The following CLHC1 variants were observed in gnomAD, a reference collection of about 807,000 sequenced individuals.
CLHC1 encodes clathrin heavy chain linker domain containing 1.
In CLHC1, 72 loss-of-function variants were observed where a neutral mutation model predicts 69.5. The observed-to-expected ratio is 1.04, with a 90% confidence interval of 0.86 to 1.26. CLHC1 has a LOEUF of 1.26. Ranked by LOEUF, CLHC1 falls within the 50% of genes most tolerant of loss-of-function variation. The probability of loss-of-function intolerance (pLI) is 0.00; values close to 1 mark genes in which losing one functional copy is unlikely to be tolerated. For missense variants in CLHC1, 790 were observed against 679.3 expected (o/e 1.16, Z -1.81); for synonymous variants, 223 against 224.3 (o/e 0.99, Z 0.05).
At chr2:55,206,182 A>C in intron 9 of CLHC1, 88 bp downstream of exon 9, 1 of 733,932 alleles carries the variant, frequency 1.4e-6, no homozygotes, top group Non-Finnish European at 2.3e-6. Context: ...CTAGATCTTT[A>C]GTCTCCCAGT....
At chr2:55,184,140 G>C (rs1394034067) in intron 9 of CLHC1, among the ~76,000 whole-genome samples, 5 of 125,336 alleles carry the variant, frequency 4.0e-5, no homozygotes, top group Non-Finnish European at 6.4e-5. Flanking sequence ...GGGTCTCACT[G>C]TGTTGCCCAG....
chr2:55,181,437 C>T, intron 10 of CLHC1, 133 bp downstream of exon 10: 1 of 722,922 alleles, frequency 1.4e-6, no homozygotes, highest in Non-Finnish European at 2.2e-6. Context: ...CCACTAAACA[C>T]TTTCTGATTA....
Position 55,174,552 on chromosome 2 carries a change from T to C in CLHC1, c.*1238A>G, listed in dbSNP as rs1342558180. ...TCATGTTATACACTTACACTACACA[T>C]ACATTATCACTAATCCTCACAACAA... On this transcript the variant is annotated 3_prime_UTR_variant, in exon 13 of 13. Transcript: ENST00000401408. Among the ~76,000 whole-genome samples, 1 of 152,200 alleles carries C rather than the reference T, an allele frequency of 6.6e-6. No homozygotes were observed. The highest frequency in any genetic ancestry group is 2.4e-5 in the African/African-American group (1 of 41,442).
rs1236026305 is a variant in CLHC1, at chr2:55,175,231, T to C, written c.*559A>G. 2 of 152,308 alleles carry C rather than the reference T, an allele frequency of 1.3e-5. No homozygotes were observed. The highest frequency in any genetic ancestry group is 2.9e-5 in the Non-Finnish European group (2 of 68,142). 9.4% of individuals were successfully genotyped at this position (152,308 alleles called of 1,614,324 possible). A position where few individuals can be genotyped will look rare whatever the true frequency, so the allele number is the denominator to read the frequency against. ...CTGGTCTTCTCTCTAAGTAATAACATGCCAAGAGTCCCAGCTTTTATACTA... is the reference window on the plus strand; with the variant it reads ...CTGGTCTTCTCTCTAAGTAATAACACGCCAAGAGTCCCAGCTTTTATACTA... On this transcript the variant is annotated 3_prime_UTR_variant, in exon 13 of 13. Transcript: ENST00000401408.
intron 11 of CLHC1, among the ~76,000 whole-genome samples, chr2:55,178,223 G>A (rs971046127): frequency 6.6e-6 from 1 of 152,060 alleles, no homozygotes; most frequent in Non-Finnish European, 1.5e-5. Context: ...ACCAAATTCT[G>A]GTGAGTATAA....
chr2:55,193,688 C>T (rs184562318), intron 9 of CLHC1, among the ~76,000 whole-genome samples: 123 of 152,286 alleles, frequency 8.1e-4, no homozygotes, highest in African/African-American at 2.8e-3. Flanking sequence ...GAATGGAAAA[C>T]GGTGCAACCA....
intron 9 of CLHC1, among the ~76,000 whole-genome samples, chr2:55,186,628 G>A (rs1468112096): frequency 6.6e-6 from 1 of 152,030 alleles, no homozygotes; most frequent in Non-Finnish European, 1.5e-5. Context: ...ACCAGGCATG[G>A]TGGGTATGCC....
chr2:55,229,445 T>C (rs1675050979), intron 1 of CLHC1, among the ~76,000 whole-genome samples: 1 of 152,100 alleles, frequency 6.6e-6, no homozygotes, highest in South Asian at 2.1e-4. Flanking sequence ...GACAACACAT[T>C]TGAGGAACAG....
intron 8 of CLHC1, among the ~76,000 whole-genome samples, chr2:55,207,858 A>G (rs1269681031): frequency 6.6e-6 from 1 of 152,212 alleles, no homozygotes; most frequent in African/African-American, 2.4e-5. Context: ...TACACAGAAT[A>G]ACATTTTGTT....
rs373774572 is a variant in CLHC1 at position 55,172,693 on chromosome 2, T to C, written c.*3097A>G. Reference sequence around the variant, plus strand: ...AAATGTATGAGCTTTCTATGAAATGTACAAAGTTAAAAAAAAAAAAAAAGG... The same window carrying C: ...AAATGTATGAGCTTTCTATGAAATGCACAAAGTTAAAAAAAAAAAAAAAGG... On this transcript the variant is annotated 3_prime_UTR_variant, in exon 13 of 13. Transcript: ENST00000401408. Among the ~76,000 whole-genome samples, 1 of 87,930 alleles carries C rather than the reference T, an allele frequency of 1.1e-5. No individual in the cohort carries two copies. The highest frequency in any genetic ancestry group is 1.3e-4 in the Admixed American group (1 of 7,908). The allele number at this position is 87,930 out of a possible 152,430, so 57.7% of individuals were successfully genotyped here.
At chr2:55,188,879 T>C (rs1009794490) in intron 9 of CLHC1, among the ~76,000 whole-genome samples, 1 of 152,190 alleles carries the variant, frequency 6.6e-6, no homozygotes, top group African/African-American at 2.4e-5. Context: ...AAAGAATATA[T>C]GCAGTATAAT....
At chr2:55,230,343 G>C (rs549597462) in intron 1 of CLHC1, among the ~76,000 whole-genome samples, 3 of 152,180 alleles carry the variant, frequency 2.0e-5, no homozygotes, top group South Asian at 4.1e-4. Context: ...TTAGTGACTG[G>C]AGAAATGGGA....
chr2:55,177,948 C>A (rs1331987515), intron 11 of CLHC1, among the ~76,000 whole-genome samples, 167 bp from the exon 12 acceptor site: 1 of 115,342 alleles, frequency 8.7e-6, no homozygotes, highest in Non-Finnish European at 2.1e-5. Context: ...CCCCTAGCCC[C>A]CGTCAAAAAA....
intron 11 of CLHC1, among the ~76,000 whole-genome samples, chr2:55,178,362 G>A (rs141547492): frequency 0.014 from 2,099 of 152,266 alleles, 21 homozygotes; most frequent in Middle Eastern, 0.02. Flanking sequence ...GCCAGAGGTG[G>A]AACCATATGA....
chr2:55,226,705 C>G (rs1674742727), intron 2 of CLHC1, among the ~76,000 whole-genome samples: 1 of 152,210 alleles, frequency 6.6e-6, no homozygotes, highest in Non-Finnish European at 1.5e-5. Context: ...GATCTCAGCT[C>G]ACTGCAACCT....
At chr2:55,209,373 T>C (rs1467708184) in intron 7 of CLHC1, 31 bp downstream of exon 7, 1 of 1,350,196 alleles carries the variant, frequency 7.4e-7, no homozygotes, top group African/African-American at 1.5e-5. Context: ...CTTCCATTAT[T>C]GGTACTAATT....
chr2:55,180,675 C>T lies in CLHC1; in HGVS notation c.1219G>A (p.Asp407Asn), dbSNP rs759357077. Residue 407 changes from aspartate to asparagine, a missense_variant, in exon 11 of 13, where the codon GAT (aspartate) becomes AAT (asparagine). By Grantham distance (23) the Asp-to-Asn change is conservative. Coordinates refer to ENST00000401408, the MANE Select transcript of CLHC1 (RefSeq NM_152385.4). ...FSEEAGDVIC[D>N]YGEQDTYNKA... ...TTATAAGTATCCTGCTCCCCATAAT[C>T]ACAAATCACATCCCCAGCCTCCTCA... The T allele has an allele frequency of 1.2e-6, 2 of 1,614,062 alleles. No homozygotes were observed. Among genetic ancestry groups the T allele is most frequent in the Non-Finnish European group, 1.7e-6 (2 of 1,179,966 alleles).
At chr2:55,189,852 T>C (rs1369773389) in intron 9 of CLHC1, among the ~76,000 whole-genome samples, 1 of 152,186 alleles carries the variant, frequency 6.6e-6, no homozygotes. Flanking sequence ...TCCACCAGAA[T>C]GGCAAACTTC....
intron 9 of CLHC1, among the ~76,000 whole-genome samples, chr2:55,191,812 GA>G (rs951037254): frequency 6.6e-6 from 1 of 151,848 alleles, no homozygotes; most frequent in African/African-American, 2.4e-5. Context: ...AAAAAAAGAA[GA>G]GATAAGAGAA....
Sources: allele counts gnomAD v4.1 joint callset (sites outside exome capture counted in the v4.1 genomes callset), GRCh38; gene constraint gnomAD v4.1.1; transcripts MANE v1.5; gene names NCBI Gene and HGNC (gene_info 2026-07-23, HGNC 2026-07-21).